PPP1R16B: variants seen among roughly 807,000 people sequenced by gnomAD.
The protein encoded by PPP1R16B is protein phosphatase 1 regulatory subunit 16B.
In PPP1R16B, 14 loss-of-function variants were observed where a neutral mutation model predicts 61.7. That is an observed-to-expected ratio of 0.23 (90% CI 0.15 to 0.35). The LOEUF (loss-of-function observed/expected upper bound fraction) is 0.35, where lower values mean the gene tolerates loss of function less well. PPP1R16B is among the 10% of genes least tolerant of loss of function. The probability of loss-of-function intolerance (pLI) is 1.00; values close to 1 mark genes in which losing one functional copy is unlikely to be tolerated. For synonymous variants in PPP1R16B, 266 were observed against 305.3 expected (o/e 0.87, Z 1.34); for missense variants, 547 against 752.5 (o/e 0.73, Z 3.19).
chr20:38,856,452 C>T (rs144464083), intron 2 of PPP1R16B, among the ~76,000 whole-genome samples: 122 of 152,250 alleles, frequency 8.0e-4, no homozygotes, highest in African/African-American at 2.9e-3. Context: ...TGGTGAAGCT[C>T]CCTGGGAGTG....
At chr20:38,864,882 G>A (rs75643028) in intron 2 of PPP1R16B, among the ~76,000 whole-genome samples, 4,667 of 152,310 alleles carry the variant, frequency 0.031, 238 homozygotes, top group African/African-American at 0.1. Flanking sequence ...CCCTCCTGGA[G>A]CTGGAGCTGC....
chr20:38,852,768 T>TGTGGG (rs2084977923), intron 2 of PPP1R16B, among the ~76,000 whole-genome samples: 1 of 62,336 alleles, frequency 1.6e-5, no homozygotes, highest in Non-Finnish European at 3.0e-5. Flanking sequence ...TTTTTTTTTT[T>TGTGGG]GCGGGGGGTG....
At chr20:38,813,987 G>A (rs1391206736) in intron 1 of PPP1R16B, among the ~76,000 whole-genome samples, 1 of 151,854 alleles carries the variant, frequency 6.6e-6, no homozygotes, top group Non-Finnish European at 1.5e-5. Flanking sequence ...AGTAGAGAAG[G>A]GGTTTCACCA....
intron 4 of PPP1R16B, among the ~76,000 whole-genome samples, chr20:38,896,231 TAC>T (rs2085348258): frequency 7.6e-6 from 1 of 131,506 alleles, no homozygotes; most frequent in African/African-American, 2.9e-5. Context: ...TTCTTTTCCC[TAC>T]CTGCCTCCCT....
chr20:38,848,495 G>A (rs1370452790), intron 2 of PPP1R16B, among the ~76,000 whole-genome samples: 1 of 152,030 alleles, frequency 6.6e-6, no homozygotes, highest in African/African-American at 2.4e-5. Context: ...CATCCTTGTA[G>A]GTTTATATTG....
intron 2 of PPP1R16B, among the ~76,000 whole-genome samples, chr20:38,864,138 C>G (rs557754598): frequency 6.6e-6 from 1 of 152,286 alleles, no homozygotes; most frequent in South Asian, 2.1e-4. Flanking sequence ...CCAGAATAGA[C>G]AAATCTATAG....
chr20:38,896,056 TC>T (rs2085342163), intron 4 of PPP1R16B, among the ~76,000 whole-genome samples: 1 of 127,044 alleles, frequency 7.9e-6, no homozygotes, highest in African/African-American at 3.5e-5. Context: ...TCTCCCTTCC[TC>T]CCTTCCTTTC....
intron 1 of PPP1R16B, among the ~76,000 whole-genome samples, chr20:38,829,868 A>G (rs1261314652): frequency 6.6e-6 from 1 of 152,240 alleles, no homozygotes; most frequent in African/African-American, 2.4e-5. Flanking sequence ...CCAGTAATCA[A>G]GAGGGAGCTG....
intron 2 of PPP1R16B, among the ~76,000 whole-genome samples, chr20:38,866,620 C>T (rs926710175): frequency 2.6e-5 from 4 of 152,128 alleles, no homozygotes; most frequent in Non-Finnish European, 4.4e-5. Flanking sequence ...GGATACAGCC[C>T]GCCATGCAGG....
chr20:38,860,792 A>T (rs2085044124), intron 2 of PPP1R16B, among the ~76,000 whole-genome samples: 1 of 152,208 alleles, frequency 6.6e-6, no homozygotes, highest in Admixed American at 6.5e-5. Flanking sequence ...GGCAGGCTGT[A>T]TCTAGGTTTT....
chr20:38,805,989 C>T (rs1005919768), intron 1 of PPP1R16B, among the ~76,000 whole-genome samples, 197 bp downstream of exon 1: 1 of 151,930 alleles, frequency 6.6e-6, no homozygotes, highest in African/African-American at 2.4e-5. Flanking sequence ...GCGCTAGGTC[C>T]GGGAGTCGGG....
At chr20:38,847,388 C>T (rs1372887782) in intron 2 of PPP1R16B, among the ~76,000 whole-genome samples, 1 of 152,162 alleles carries the variant, frequency 6.6e-6, no homozygotes, top group Non-Finnish European at 1.5e-5. Context: ...GACGGAGTCT[C>T]ACTCTGTCCC....
chr20:38,836,132 C>T lies in PPP1R16B; in HGVS notation c.207C>T (p.Ser69=), dbSNP rs139398922. Residue 69 remains serine (S), a synonymous_variant, in exon 2 of 11, where the codon AGC becomes AGT. Transcript: ENST00000299824. ...GRRKKVSFEA[S]VALLEASLRN... is the part of the protein sequence containing the mutation. ...GCAAGAAAGTGTCCTTCGAGGCCAGCGTGGCCCTGCTGGAGGCCTCGCTGA... is the reference window on the plus strand; with the variant it reads ...GCAAGAAAGTGTCCTTCGAGGCCAGTGTGGCCCTGCTGGAGGCCTCGCTGA... The T allele has an allele frequency of 4.5e-4, 719 of 1,612,144 alleles. No individual in the cohort carries two copies. The highest frequency in any genetic ancestry group is 5.7e-4 in the Non-Finnish European group (677 of 1,179,818).
chr20:38,873,734 C>CT (rs1329509887), intron 2 of PPP1R16B, among the ~76,000 whole-genome samples: 4 of 108,720 alleles, frequency 3.7e-5, no homozygotes, highest in Admixed American at 1.0e-4. Context: ...GCTGAAACAT[C>CT]TTTTTTTTGT....
chr20:38,919,800 A>T lies in PPP1R16B; in HGVS notation c.*1134A>T, dbSNP rs1437100637. 6.6e-6 allele frequency: 1 copy of T among 152,460 alleles called. No homozygotes were observed. 9.4% of individuals were successfully genotyped at this position (152,460 alleles called of 1,614,324 possible). A position where few individuals can be genotyped will look rare whatever the true frequency, so the allele number is the denominator to read the frequency against. ...GCCCATCTCAGCCAACCCTCCTTAG[A>T]CTGAGCTGTCAGAGCAAGCAATTAG... On this transcript the variant is annotated 3_prime_UTR_variant, in exon 11 of 11. Transcript: ENST00000299824.
chr20:38,887,674 C>T (rs1445397303), intron 2 of PPP1R16B, among the ~76,000 whole-genome samples: 3 of 152,202 alleles, frequency 2.0e-5, no homozygotes, highest in African/African-American at 7.2e-5. Flanking sequence ...TTTAAGCAGC[C>T]GTAATAGCCA....
At chr20:38,818,442 T>C (rs2084753121) in intron 1 of PPP1R16B, among the ~76,000 whole-genome samples, 1 of 152,186 alleles carries the variant, frequency 6.6e-6, no homozygotes, top group South Asian at 2.1e-4. Context: ...GGCCCAGATA[T>C]TGGACGGTTT....
chr20:38,906,811 A>G (rs1399342848), intron 7 of PPP1R16B, among the ~76,000 whole-genome samples, 168 bp from the exon 8 acceptor site: 1 of 152,044 alleles, frequency 6.6e-6, no homozygotes, highest in Admixed American at 6.6e-5. Flanking sequence ...AGCTCATTGC[A>G]TCTGTCTGGA....
Position 38,888,181 on chromosome 20 carries a change from A to G in PPP1R16B, c.251-1414A>G, listed in dbSNP as rs2145758668. ...GGAGATAGTGTCCACGGTGGGGATT[A>G]GGGGATGTGGACTTTGGCTTCTGTT... On this transcript the variant is annotated intron_variant, in intron 2 of 10. Coordinates refer to ENST00000299824, the MANE Select transcript of PPP1R16B (RefSeq NM_015568.4). 1.3e-5 allele frequency among the ~76,000 whole-genome samples: 2 copies of G among 152,332 alleles called. 1 individual carries two copies. Among genetic ancestry groups the G allele is most frequent in the South Asian group, 4.1e-4 (2 of 4,828 alleles).
Sources: gnomAD v4.1 joint callset for allele counts (sites outside exome capture counted in the v4.1 genomes callset) on GRCh38, gnomAD v4.1.1 for gene constraint, MANE v1.5 for transcripts, NCBI Gene and HGNC (gene_info 2026-07-23, HGNC 2026-07-21) for gene names.